SNRNP70: variants seen among roughly 807,000 people sequenced by gnomAD.
SNRNP70 encodes small nuclear ribonucleoprotein U1 subunit 70.
A neutral mutation model predicts 50.5 loss-of-function variants in SNRNP70; 8 were observed. The ratio of observed to expected loss-of-function variants is 0.16; its 90% confidence interval spans 0.09 to 0.29. The LOEUF is 0.29. SNRNP70 is among the 10% of genes least tolerant of loss of function. The probability of loss-of-function intolerance (pLI) is 1.00; values close to 1 mark genes in which losing one functional copy is unlikely to be tolerated. For synonymous variants in SNRNP70, 320 were observed against 252.9 expected (o/e 1.27, Z -2.52); for missense variants, 529 against 663.5 (o/e 0.80, Z 2.23).
chr19:49,100,714 G>C (rs2040572012), intron 6 of SNRNP70, among the ~76,000 whole-genome samples: 1 of 151,256 alleles, frequency 6.6e-6, no homozygotes, highest in Non-Finnish European at 1.5e-5. Flanking sequence ...GCTGAGGCAG[G>C]AGAATCGCTT....
rs140047119 is a variant in SNRNP70, at chr19:49,097,341, T to C, written c.266-1086T>C. Among the ~76,000 whole-genome samples the C allele has an allele frequency of 2.2e-4, 33 of 152,250 alleles. No homozygotes were observed. In the East Asian group the frequency reaches 5.6e-3, roughly 26 times the overall value. On this transcript the variant is annotated intron_variant, in intron 4 of 9. Coordinates refer to ENST00000598441, the MANE Select transcript of SNRNP70 (RefSeq NM_003089.6). ...TTCTGTTTTACTTCCATTTGCAAAATAGTAATAAATAAATATCAGTGTCCA... is the reference window on the plus strand; with the variant it reads ...TTCTGTTTTACTTCCATTTGCAAAACAGTAATAAATAAATATCAGTGTCCA...
In SNRNP70 at chr19:49,093,477, G is replaced by A. The variant is rs572294212; in HGVS notation, c.265+2957G>A. The stretch of plus-strand genomic sequence containing the variant: ...GTGGGTCACCTGAGGTTGGGAGTTC[G>A]AGACCAGCCTGGCCAACATGGTGAA... On this transcript the variant is annotated intron_variant, in intron 4 of 9. Transcript: ENST00000598441. 4.6e-5 allele frequency among the ~76,000 whole-genome samples: 7 copies of A among 151,852 alleles called. No individual in the cohort carries two copies. The East Asian group carries it at 7.9e-4, about 17-fold the overall frequency.
At chr19:49,100,674 C>T (rs995712143) in intron 6 of SNRNP70, among the ~76,000 whole-genome samples, 7 of 152,144 alleles carry the variant, frequency 4.6e-5, no homozygotes, top group Admixed American at 2.0e-4. Context: ...GGTGTGGTGG[C>T]GCACGCCTGT....
intron 4 of SNRNP70, among the ~76,000 whole-genome samples, chr19:49,091,490 C>T (rs2040446805): frequency 6.6e-6 from 1 of 152,248 alleles, no homozygotes; most frequent in South Asian, 2.1e-4. Context: ...TGTAGTAACA[C>T]GCTTGGCCTC....
rs2040583955 is a variant in SNRNP70 at position 49,101,393 on chromosome 19, C to T, written c.397C>T (p.His133Tyr). 6.2e-7 allele frequency: 1 copy of T among 1,613,516 alleles called. No homozygotes were observed. Among genetic ancestry groups the T allele is most frequent in the African/African-American group, 1.3e-5 (1 of 74,940 alleles). The change falls in exon 7 of 10, where the codon CAC becomes TAC. Residue 133 changes from histidine (H) to tyrosine (Y), a missense_variant. Around this residue, in one of 4 missense-constraint regions of SNRNP70, gnomAD observed 149 missense variants for 259.7 expected, o/e 0.57. Coordinates refer to ENST00000598441, the MANE Select transcript of SNRNP70 (RefSeq NM_003089.6). The part of the protein sequence containing the change: ...FEVYGPIKRI[H>Y]MVYSKRSGKP... ...CCTGTCCCCATGTGCCCCACAGATA[C>T]ACATGGTCTACAGTAAGCGGTCAGG...
intron 4 of SNRNP70, among the ~76,000 whole-genome samples, chr19:49,096,896 G>C (rs528675283): frequency 2.6e-5 from 4 of 151,844 alleles, no homozygotes; most frequent in Non-Finnish European, 5.9e-5. Flanking sequence ...TTGGGAGGCC[G>C]AGGAGGGCGG....
In SNRNP70 at chr19:49,108,508, C is replaced by T. The variant is rs992722445; in HGVS notation, c.*65C>T. 169 of 1,529,584 alleles carry T rather than the reference C, an allele frequency of 1.1e-4. No individual in the cohort carries two copies. The highest frequency in any genetic ancestry group is 1.5e-4 in the Non-Finnish European group (166 of 1,136,806). 94.8% of individuals were successfully genotyped at this position (1,529,584 alleles called of 1,614,324 possible). ...CTGCCCAGCCCCTTGCTGTCATCCCCTCCCCCAACCTTGGCCACTTGAGTT... is the reference window on the plus strand; with the variant it reads ...CTGCCCAGCCCCTTGCTGTCATCCCTTCCCCCAACCTTGGCCACTTGAGTT... On this transcript the variant is annotated 3_prime_UTR_variant, in exon 10 of 10. Coordinates refer to ENST00000598441, the MANE Select transcript of SNRNP70 (RefSeq NM_003089.6).
intron 4 of SNRNP70, among the ~76,000 whole-genome samples, chr19:49,091,813 C>A (rs910532470): frequency 1.3e-5 from 2 of 152,216 alleles, no homozygotes; most frequent in African/African-American, 4.8e-5. Context: ...ATCTCAGACT[C>A]AGTGTCCAAA....
At chr19:49,101,598 CCTCT>C (rs1225185001) in intron 7 of SNRNP70, 127 bp downstream of exon 7, 126 of 669,316 alleles carry the variant, frequency 1.9e-4, no homozygotes, top group South Asian at 6.4e-4. Context: ...TCTCCTCCTC[CCTCT>C]GTTTCTGATG....
At chr19:49,098,996 A>G (rs945817939) in intron 6 of SNRNP70, among the ~76,000 whole-genome samples, 21 of 152,190 alleles carry the variant, frequency 1.4e-4, no homozygotes, top group African/African-American at 3.1e-4. Flanking sequence ...TTTGGCTGCT[A>G]CTGTTGTAAG....
intron 4 of SNRNP70, among the ~76,000 whole-genome samples, chr19:49,091,488 C>T (rs1273203723): frequency 2.0e-5 from 3 of 152,156 alleles, no homozygotes; most frequent in South Asian, 4.1e-4. Flanking sequence ...GGTGTAGTAA[C>T]ACGCTTGGCC....
intron 4 of SNRNP70, among the ~76,000 whole-genome samples, chr19:49,093,368 T>TA (rs138412236): frequency 1 from 152,159 of 152,160 alleles, 76,079 homozygotes; most frequent in Middle Eastern, 1. Flanking sequence ...TTACAGGGCG[T>TA]AGCCACCACA....
Position 49,108,287 on chromosome 19 carries a change from G to A in SNRNP70, c.1158G>A (p.Glu386=). ...ACAAACGGGGGGAGCGGGGCAGTGA[G>A]CGGGGCAGGGATGAGGCCCGAGGTG... ...REHKRGERGS[E]RGRDEARGGG... Residue 386 remains glutamate, a synonymous_variant, in exon 10 of 10, where the codon GAG becomes GAA. Transcript: ENST00000598441. 1 of 1,570,096 alleles carries A rather than the reference G, an allele frequency of 6.4e-7. No individual in the cohort carries two copies. Among genetic ancestry groups the A allele is most frequent in the Non-Finnish European group, 8.6e-7 (1 of 1,158,724 alleles).
chr19:49,092,676 T>C (rs2040462156), intron 4 of SNRNP70, among the ~76,000 whole-genome samples: 1 of 152,174 alleles, frequency 6.6e-6, no homozygotes, highest in African/African-American at 2.4e-5. Flanking sequence ...CCCAAAGTGC[T>C]GGGATTACAG....
At chr19:49,099,324 AC>A (rs2040551889) in intron 6 of SNRNP70, among the ~76,000 whole-genome samples, 1 of 152,108 alleles carries the variant, frequency 6.6e-6, no homozygotes, top group Non-Finnish European at 1.5e-5. Flanking sequence ...AATGGCTCAC[AC>A]CTGTAATCTC....
Position 49,107,290 on chromosome 19 carries a change from A to G in SNRNP70, c.578-335A>G, listed in dbSNP as rs1013677054. On this transcript the variant is annotated intron_variant, in intron 8 of 9. Transcript: ENST00000598441. This position sits in a 1 kb window ranked among gnomAD's most constrained non-coding sequence, Gnocchi z 6.0. Reference sequence around the variant, plus strand: ...GATCACATTTTTGGGTGGAAAGATCATTGGCTTCGGGTTTCTGTGAGGGCG... The same window carrying G: ...GATCACATTTTTGGGTGGAAAGATCGTTGGCTTCGGGTTTCTGTGAGGGCG... Among the ~76,000 whole-genome samples, 3 of 152,176 alleles carry G rather than the reference A, an allele frequency of 2.0e-5. No homozygotes were observed. Among genetic ancestry groups the G allele is most frequent in the Non-Finnish European group, 2.9e-5 (2 of 68,028 alleles).
chr19:49,086,085 C>T (rs957255245), intron 1 of SNRNP70, among the ~76,000 whole-genome samples: 1 of 152,212 alleles, frequency 6.6e-6, no homozygotes, highest in African/African-American at 2.4e-5. Flanking sequence ...CTCTGGGCCT[C>T]CCTCCTCGGG....
rs757230147 is a variant in SNRNP70, at chr19:49,086,578, G to A, written c.147+17G>A. 6.2e-7 allele frequency: 1 copy of A among 1,612,684 alleles called. No homozygotes were observed. On this transcript the variant is annotated intron_variant, in intron 2 of 9. Transcript: ENST00000598441. ...GAGTTTGAGGTGAGTTCACTGAGCA[G>A]GCCAGGAATGGTTTGGGTTCTGGGG...
At chr19:49,099,734 A>T (rs2040557930) in intron 6 of SNRNP70, among the ~76,000 whole-genome samples, 1 of 107,098 alleles carries the variant, frequency 9.3e-6, no homozygotes, top group Non-Finnish European at 2.0e-5. Context: ...GTGGGACTCC[A>T]TCTTAAAAAA....
Sources: allele counts gnomAD v4.1 joint callset (sites outside exome capture counted in the v4.1 genomes callset), GRCh38; gene constraint gnomAD v4.1.1; regional missense constraint gnomAD v4.1.1; non-coding constraint Gnocchi (gnomAD v3.1); transcripts MANE v1.5; gene names NCBI Gene and HGNC (gene_info 2026-07-23, HGNC 2026-07-21).